PHKB: variants seen among roughly 807,000 people sequenced by gnomAD.
PHKB encodes phosphorylase b kinase regulatory subunit beta.
PHKB carries 122 observed loss-of-function variants against 152.1 expected under a neutral mutation model. That is an observed-to-expected ratio of 0.80 (90% confidence interval 0.69 to 0.93). The LOEUF (loss-of-function observed/expected upper bound fraction) is 0.93. Among genes scored for constraint, PHKB ranks in the 40% least tolerant of loss-of-function variants. The pLI is 0.00. For synonymous variants in PHKB, 436 were observed against 464.9 expected (o/e 0.94, Z 0.80); for missense variants, 1,304 against 1,328.4 (o/e 0.98, Z 0.29).
At chr16:47,662,263 T>C (rs1973457936) in intron 23 of PHKB, among the ~76,000 whole-genome samples, 1 of 152,182 alleles carries the variant, frequency 6.6e-6, no homozygotes, top group South Asian at 2.1e-4. Flanking sequence ...TAAAAATAAA[T>C]CATTTGTAAT....
chr16:47,501,272 A>G (rs1287127678), intron 3 of PHKB, among the ~76,000 whole-genome samples: 1 of 152,242 alleles, frequency 6.6e-6, no homozygotes, highest in Admixed American at 6.5e-5. Flanking sequence ...TTTATAAGAC[A>G]ACTTGCCTGG....
At chr16:47,481,044 G>A (rs1420670) in intron 1 of PHKB, among the ~76,000 whole-genome samples, 152,050 of 152,288 alleles carry the variant, frequency 1, 75,906 homozygotes, top group Middle Eastern at 1. Context: ...TGACAACTTC[G>A]TACTCATTTT....
chr16:47,512,696 T>G (rs1970530673), intron 5 of PHKB, among the ~76,000 whole-genome samples: 1 of 152,208 alleles, frequency 6.6e-6, no homozygotes, highest in Non-Finnish European at 1.5e-5. Flanking sequence ...CCCTCTCACA[T>G]CAGTGTATTG....
chr16:47,639,830 G>A (rs1972985584), intron 14 of PHKB, among the ~76,000 whole-genome samples: 1 of 152,056 alleles, frequency 6.6e-6, no homozygotes, highest in African/African-American at 2.4e-5. Context: ...TTTTAAAGCA[G>A]TAAATACTAG....
At chr16:47,511,558 G>T in intron 4 of PHKB, 107 bp from the exon 5 acceptor site, 1 of 816,556 alleles carries the variant, frequency 1.2e-6, no homozygotes, top group South Asian at 1.4e-5. Flanking sequence ...TCGGTCCTCT[G>T]CCTTAGCTTT....
chr16:47,517,115 T>C (rs999749224), intron 6 of PHKB, among the ~76,000 whole-genome samples: 1 of 152,132 alleles, frequency 6.6e-6, no homozygotes, highest in African/African-American at 2.4e-5. Flanking sequence ...ACCAGCCCAC[T>C]TAGCTTCTCA....
intron 14 of PHKB, among the ~76,000 whole-genome samples, chr16:47,634,150 A>T (rs1041764291): frequency 2.6e-5 from 4 of 152,190 alleles, no homozygotes; most frequent in African/African-American, 9.6e-5. Flanking sequence ...AGTTATTTTT[A>T]TTATTCTCAA....
At chr16:47,519,536 C>G (rs909974883) in intron 6 of PHKB, among the ~76,000 whole-genome samples, 4 of 152,206 alleles carry the variant, frequency 2.6e-5, no homozygotes, top group African/African-American at 9.6e-5. Context: ...AGTTTCTCCC[C>G]AGCTGTTATT....
At chr16:47,571,553 A>G (rs926533402) in intron 7 of PHKB, among the ~76,000 whole-genome samples, 2 of 152,128 alleles carry the variant, frequency 1.3e-5, no homozygotes, top group African/African-American at 4.8e-5. Context: ...GACATTCCAT[A>G]TCCAGAGACA....
At chr16:47,596,872 G>A (rs1279685333) in intron 13 of PHKB, among the ~76,000 whole-genome samples, 1 of 152,132 alleles carries the variant, frequency 6.6e-6, no homozygotes, top group Non-Finnish European at 1.5e-5. Flanking sequence ...AACAGTAACA[G>A]TCATGCTTGG....
intron 7 of PHKB, among the ~76,000 whole-genome samples, chr16:47,574,484 G>A (rs1030538216): frequency 2.6e-5 from 4 of 152,174 alleles, no homozygotes; most frequent in African/African-American, 9.7e-5. Context: ...ATCTCTGCAC[G>A]TTATTTTGCT....
At chr16:47,697,292 G>A (rs1338536932) in intron 29 of PHKB, among the ~76,000 whole-genome samples, 1 of 152,186 alleles carries the variant, frequency 6.6e-6, no homozygotes, top group Non-Finnish European at 1.5e-5. Flanking sequence ...GCTGCAGTCA[G>A]AGCTGAGTAG....
intron 7 of PHKB, among the ~76,000 whole-genome samples, chr16:47,572,717 A>G (rs1971683160): frequency 6.6e-6 from 1 of 152,204 alleles, no homozygotes; most frequent in Non-Finnish European, 1.5e-5. Context: ...GGTTATAAGT[A>G]GCCTTAGTGC....
intron 7 of PHKB, among the ~76,000 whole-genome samples, chr16:47,551,844 G>A (rs2030909985): frequency 6.6e-6 from 1 of 152,214 alleles, no homozygotes; most frequent in African/African-American, 2.4e-5. Context: ...TTGTGTGGGA[G>A]TGTAAGTCTC....
At chr16:47,603,648 T>G (rs773647273) in intron 13 of PHKB, among the ~76,000 whole-genome samples, 1 of 151,830 alleles carries the variant, frequency 6.6e-6, no homozygotes, top group Non-Finnish European at 1.5e-5. Flanking sequence ...GGGCTACAGG[T>G]GCTCACCACC....
chr16:47,687,506 A>G (rs954701205), intron 26 of PHKB, among the ~76,000 whole-genome samples: 1 of 152,222 alleles, frequency 6.6e-6, no homozygotes, highest in Admixed American at 6.5e-5. Context: ...TAAATGGTAA[A>G]TCTTAATTCT....
chr16:47,514,912 T>C (rs1347642386), intron 5 of PHKB, among the ~76,000 whole-genome samples: 1 of 152,250 alleles, frequency 6.6e-6, no homozygotes, highest in Non-Finnish European at 1.5e-5. Flanking sequence ...ACTAATTTGT[T>C]CATAAACATG....
At chr16:47,640,386 A>C (rs2151726014) in intron 14 of PHKB, among the ~76,000 whole-genome samples, 1 of 152,344 alleles carries the variant, frequency 6.6e-6, no homozygotes, top group South Asian at 2.1e-4. Flanking sequence ...AATGTATAAT[A>C]CATGTTATAG....
intron 3 of PHKB, among the ~76,000 whole-genome samples, chr16:47,500,863 G>A (rs963118303): frequency 1.3e-5 from 2 of 152,202 alleles, no homozygotes; most frequent in East Asian, 1.9e-4. Context: ...TCCTGAAAGC[G>A]ATCCATAGTT....
Sources: gnomAD v4.1 joint callset for allele counts (sites outside exome capture counted in the v4.1 genomes callset) on GRCh38, gnomAD v4.1.1 for gene constraint, MANE v1.5 for transcripts, NCBI Gene and HGNC (gene_info 2026-07-23, HGNC 2026-07-21) for gene names.